Variants in DLGAP1 observed in about 807,000 individuals in gnomAD.
The protein encoded by DLGAP1 is disks large-associated protein 1.
Under a neutral mutation model 90.8 loss-of-function variants are expected in DLGAP1, and 11 were observed. That is an observed-to-expected ratio of 0.12 (90% CI 0.08 to 0.20). DLGAP1 has a LOEUF of 0.20. Among genes scored for constraint, DLGAP1 ranks in the 10% least tolerant of loss-of-function variants. The probability of loss-of-function intolerance (pLI) is 1.00; values close to 1 mark genes in which losing one functional copy is unlikely to be tolerated. For missense variants in DLGAP1, 1,050 were observed against 1,333.8 expected (o/e 0.79, Z 3.31); for synonymous variants, 558 against 540.7 (o/e 1.03, Z -0.44).
rs183451218 is a variant in DLGAP1, at chr18:3,547,270, C to A, written c.2058-12655G>T. On this transcript the variant is annotated intron_variant, in intron 9 of 12. Transcript: ENST00000315677. ...CAAGCCGAGATCGCGCCACTGCACTCCAGCCTGGGCAATAGAGCGAGACTC... is the reference window on the plus strand; with the variant it reads ...CAAGCCGAGATCGCGCCACTGCACTACAGCCTGGGCAATAGAGCGAGACTC... Among the ~76,000 whole-genome samples, 10 of 141,110 alleles carry A rather than the reference C, an allele frequency of 7.1e-5. No individual in the cohort carries two copies. The East Asian group carries it at 2.0e-3, about 28-fold the overall frequency. 92.6% of individuals were successfully genotyped at this position (141,110 alleles called of 152,430 possible).
At chr18:4,136,041 G>A (rs756613605) in intron 2 of DLGAP1, among the ~76,000 whole-genome samples, 5 of 150,780 alleles carry the variant, frequency 3.3e-5, no homozygotes, top group Admixed American at 6.6e-5. Context: ...TGACAGGCCC[G>A]ATGTGTGATG....
chr18:3,951,402 A>C lies in DLGAP1; in HGVS notation c.-73+53714T>G, dbSNP rs183590779. Among the ~76,000 whole-genome samples the C allele has an allele frequency of 4.2e-3, 647 of 152,342 alleles. 2 individuals carry two copies. The highest frequency in any genetic ancestry group is 0.014 in the African/African-American group (589 of 41,580). On this transcript the variant is annotated intron_variant, in intron 3 of 12. Coordinates refer to ENST00000315677, the MANE Select transcript of DLGAP1 (RefSeq NM_004746.4). ...GGTGTCTCTTGATGGATAAATAGAAAACTTTTGGACAATAGCTGTCAAAGT... is the reference window on the plus strand; with the variant it reads ...GGTGTCTCTTGATGGATAAATAGAACACTTTTGGACAATAGCTGTCAAAGT...
chr18:3,561,739 C>T lies in DLGAP1; in HGVS notation c.2057+5751G>A, dbSNP rs114735162. On this transcript the variant is annotated intron_variant, in intron 9 of 12. Coordinates refer to ENST00000315677, the MANE Select transcript of DLGAP1 (RefSeq NM_004746.4). ...TGGATATACTTCTTTCAATTTTTTTCGTTTTTGAGTGTTTTTATAGTGACT... is the reference window on the plus strand; with the variant it reads ...TGGATATACTTCTTTCAATTTTTTTTGTTTTTGAGTGTTTTTATAGTGACT... 4.9e-3 allele frequency among the ~76,000 whole-genome samples: 736 copies of T among 150,660 alleles called. 61 individuals carry two copies. The highest frequency in any genetic ancestry group is 0.017 in the African/African-American group (704 of 40,274).
chr18:3,843,777 C>A (rs28604538), intron 4 of DLGAP1, among the ~76,000 whole-genome samples: 2,032 of 152,236 alleles, frequency 0.013, 37 homozygotes, highest in East Asian at 0.041. Flanking sequence ...ATATGTCTGT[C>A]TTATTGTTGT....
chr18:3,632,552 C>A (rs529178052), intron 7 of DLGAP1, among the ~76,000 whole-genome samples: 3 of 152,266 alleles, frequency 2.0e-5, no homozygotes, highest in Admixed American at 6.5e-5. Flanking sequence ...ATCTGCCTGC[C>A]TCGGCCTCCC....
At chr18:4,263,589 A>G (rs2079045788) in intron 1 of DLGAP1, among the ~76,000 whole-genome samples, 1 of 152,222 alleles carries the variant, frequency 6.6e-6, no homozygotes, top group Non-Finnish European at 1.5e-5. Flanking sequence ...CTTCCATTAA[A>G]TGTTTAAGTT....
At chr18:4,295,923 G>A (rs974663907) in intron 1 of DLGAP1, among the ~76,000 whole-genome samples, 3 of 152,160 alleles carry the variant, frequency 2.0e-5, no homozygotes, top group Non-Finnish European at 4.4e-5. Context: ...TTAAAGTAAT[G>A]AGAGTCAACA....
At chr18:4,366,730 T>C (rs115642463) in intron 1 of DLGAP1, among the ~76,000 whole-genome samples, 5,240 of 151,860 alleles carry the variant, frequency 0.035, 153 homozygotes, top group African/African-American at 0.076. Context: ...TCACTATAGG[T>C]AAGAGCCTGT....
chr18:4,224,838 G>T (rs538873627), intron 1 of DLGAP1, among the ~76,000 whole-genome samples: 1 of 152,234 alleles, frequency 6.6e-6, no homozygotes, highest in South Asian at 2.1e-4. Flanking sequence ...GAGCCCTAAG[G>T]CCTTGAGAAA....
Position 3,497,901 on chromosome 18 carries a change from C to T in DLGAP1, c.*1284G>A, listed in dbSNP as rs1044241961. ...CTGGCAGGTCGAGTTTCTTCTCTCA[C>T]TACCTGGAACCTCAAGATGACAGCG... is the stretch of plus-strand genomic sequence containing the variant. On this transcript the variant is annotated 3_prime_UTR_variant, in exon 13 of 13. Coordinates refer to ENST00000315677, the MANE Select transcript of DLGAP1 (RefSeq NM_004746.4). 3 of 152,242 alleles carry T rather than the reference C, an allele frequency of 2.0e-5. No homozygotes were observed. Among genetic ancestry groups the T allele is most frequent in the African/African-American group, 7.2e-5 (3 of 41,458 alleles). The allele number at this position is 152,242 out of a possible 1,614,324, so 9.4% of individuals were successfully genotyped here.
At chr18:4,266,164 T>G (rs550384424) in intron 1 of DLGAP1, among the ~76,000 whole-genome samples, 1 of 152,328 alleles carries the variant, frequency 6.6e-6, no homozygotes, top group African/African-American at 2.4e-5. Context: ...AAATAAATTA[T>G]ATTGAATAAA....
chr18:4,232,968 C>G lies in DLGAP1; in HGVS notation c.-266-81681G>C, dbSNP rs576525195. ...CAGAAGTCAAGATTATAGGGACCACCTTGAAGCTTAGCTACTGAGTAATGA... is the reference window on the plus strand; with the variant it reads ...CAGAAGTCAAGATTATAGGGACCACGTTGAAGCTTAGCTACTGAGTAATGA... On this transcript the variant is annotated intron_variant, in intron 1 of 12. Coordinates refer to ENST00000315677, the MANE Select transcript of DLGAP1 (RefSeq NM_004746.4). Among the ~76,000 whole-genome samples, 35 of 152,274 alleles carry G rather than the reference C, an allele frequency of 2.3e-4. No homozygotes were observed. In the East Asian group the frequency reaches 6.6e-3, roughly 29 times the overall value.
At chr18:3,860,319 A>G (rs1408455496) in intron 4 of DLGAP1, among the ~76,000 whole-genome samples, 1 of 152,064 alleles carries the variant, frequency 6.6e-6, no homozygotes, top group East Asian at 1.9e-4. Context: ...TTTCAGGCAT[A>G]ATAATAATAG....
At chr18:3,680,754 A>G (rs1443252419) in intron 7 of DLGAP1, among the ~76,000 whole-genome samples, 1 of 141,638 alleles carries the variant, frequency 7.1e-6, no homozygotes, top group Non-Finnish European at 1.5e-5. Context: ...GCGCCACTGC[A>G]CTCCAGCCTG....
chr18:4,185,467 G>A (rs900438724), intron 1 of DLGAP1, among the ~76,000 whole-genome samples: 2 of 151,970 alleles, frequency 1.3e-5, no homozygotes, highest in Non-Finnish European at 2.9e-5. Context: ...ATTTATCCAT[G>A]TGTTTTCATC....
chr18:4,032,567 C>T (rs968043281), intron 2 of DLGAP1, among the ~76,000 whole-genome samples: 1 of 152,208 alleles, frequency 6.6e-6, no homozygotes, highest in Non-Finnish European at 1.5e-5. Context: ...GGAAACCTCT[C>T]TCCAAAGACA....
intron 5 of DLGAP1, among the ~76,000 whole-genome samples, chr18:3,754,748 T>C (rs983150317): frequency 7.7e-5 from 11 of 142,578 alleles, no homozygotes; most frequent in Non-Finnish European, 1.1e-4. Context: ...AAAAAAAAAT[T>C]AGCTGGGCGT....
intron 1 of DLGAP1, among the ~76,000 whole-genome samples, chr18:4,234,376 T>C (rs934214513): frequency 5.3e-5 from 8 of 152,282 alleles, no homozygotes; most frequent in Middle Eastern, 3.4e-3. Flanking sequence ...TCTATTTCCA[T>C]TTGACAGTAA....
intron 3 of DLGAP1, among the ~76,000 whole-genome samples, chr18:3,945,326 T>C (rs1166896761): frequency 6.6e-6 from 1 of 152,216 alleles, no homozygotes; most frequent in Non-Finnish European, 1.5e-5. Flanking sequence ...CTAGGCAAAG[T>C]ATGAAACATC....
Sources: gnomAD v4.1 joint callset for allele counts (sites outside exome capture counted in the v4.1 genomes callset) on GRCh38, gnomAD v4.1.1 for gene constraint, MANE v1.5 for transcripts, NCBI Gene and HGNC (gene_info 2026-07-23, HGNC 2026-07-21) for gene names.